PTGES: variants seen among roughly 807,000 people sequenced by gnomAD.
The protein encoded by PTGES is MGST1-like 1.
PTGES carries 3 observed loss-of-function variants against 11.8 expected under a neutral mutation model. The ratio of observed to expected loss-of-function variants is 0.25; its 90% CI spans 0.12 to 0.66. The LOEUF (loss-of-function observed/expected upper bound fraction) is 0.66. Ranked by LOEUF, PTGES falls within the 30% of genes least tolerant of loss-of-function variation. The probability of loss-of-function intolerance (pLI) is 0.82; values close to 1 mark genes in which losing one functional copy is unlikely to be tolerated. For missense variants in PTGES, 180 were observed against 213.0 expected (o/e 0.85, Z 0.96); for synonymous variants, 94 against 90.4 (o/e 1.04, Z -0.22).
At chr9:129,740,349 C>T (rs528816500) in intron 2 of PTGES, among the ~76,000 whole-genome samples, 25 of 152,274 alleles carry the variant, frequency 1.6e-4, no homozygotes, top group Admixed American at 3.3e-4. Flanking sequence ...TGAGGTCATC[C>T]TCCTTCTGAA....
chr9:129,743,735 C>G (rs1275610544), intron 2 of PTGES, among the ~76,000 whole-genome samples: 2 of 152,230 alleles, frequency 1.3e-5, no homozygotes. Context: ...ACAGTGAAAT[C>G]GCCTTCCCAT....
chr9:129,743,133 C>T (rs1183160702), intron 2 of PTGES, among the ~76,000 whole-genome samples: 2 of 152,176 alleles, frequency 1.3e-5, no homozygotes, highest in Non-Finnish European at 2.9e-5. Flanking sequence ...CATTGGGCAG[C>T]AATTCAGCGG....
chr9:129,748,270 T>C (rs1490062008), intron 2 of PTGES, among the ~76,000 whole-genome samples: 1 of 142,082 alleles, frequency 7.0e-6, no homozygotes, highest in Non-Finnish European at 1.5e-5. Context: ...TAAAGGGTGA[T>C]TCTATGGGGC....
chr9:129,748,764 C>G, intron 1 of PTGES, 27 bp from the exon 2 acceptor site: 1 of 1,557,136 alleles, frequency 6.4e-7, no homozygotes, highest in Non-Finnish European at 8.8e-7. Flanking sequence ...GAGAGTCACT[C>G]CTCGTGAGAC....
chr9:129,742,837 AC>A (rs1833011301), intron 2 of PTGES, among the ~76,000 whole-genome samples: 1 of 151,572 alleles, frequency 6.6e-6, no homozygotes, highest in Non-Finnish European at 1.5e-5. Context: ...GCGCCACTGC[AC>A]TCCAGCCTGG....
intron 1 of PTGES, 74 bp downstream of exon 1, chr9:129,752,813 C>T (rs1297884839): frequency 8.7e-6 from 14 of 1,609,582 alleles, no homozygotes; most frequent in Non-Finnish European, 1.2e-5. Flanking sequence ...GTTTCCCTAT[C>T]CCGGGGCTTT....
intron 1 of PTGES, among the ~76,000 whole-genome samples, 190 bp from the exon 2 acceptor site, chr9:129,748,927 G>A (rs1297348333): frequency 6.6e-6 from 1 of 152,176 alleles, no homozygotes; most frequent in Non-Finnish European, 1.5e-5. Context: ...AGGCCCCCCT[G>A]TCTCTGCTTT....
chr9:129,752,649 C>A (rs1284744273), intron 1 of PTGES, among the ~76,000 whole-genome samples: 1 of 152,266 alleles, frequency 6.6e-6, no homozygotes, highest in Admixed American at 6.5e-5. Flanking sequence ...CTCTCCATGC[C>A]AAGAACTCAG....
At chr9:129,740,446 C>T (rs1832984463) in intron 2 of PTGES, among the ~76,000 whole-genome samples, 3 of 152,130 alleles carry the variant, frequency 2.0e-5, no homozygotes, top group Admixed American at 2.0e-4. Context: ...GTCTCCTTTT[C>T]CCCCTAAATC....
At chr9:129,752,855 C>G (rs1254378664) in intron 1 of PTGES, 32 bp downstream of exon 1, 2 of 1,613,656 alleles carry the variant, frequency 1.2e-6, no homozygotes, top group Non-Finnish European at 1.7e-6. Context: ...GCAAGTATGA[C>G]CCAGGCCGGG....
intron 1 of PTGES, among the ~76,000 whole-genome samples, chr9:129,749,121 G>A (rs1833077056): frequency 6.6e-6 from 1 of 152,240 alleles, no homozygotes; most frequent in African/African-American, 2.4e-5. Context: ...GCTGGATGAG[G>A]TGGCTCACAC....
At chr9:129,748,798 A>T in intron 1 of PTGES, 61 bp from the exon 2 acceptor site, 1 of 1,409,662 alleles carries the variant, frequency 7.1e-7, no homozygotes, top group Non-Finnish European at 9.8e-7. Context: ...ACCTGGGGCT[A>T]TGTTTTGTCC....
chr9:129,750,430 A>G (rs1833091692), intron 1 of PTGES, among the ~76,000 whole-genome samples: 1 of 152,164 alleles, frequency 6.6e-6, no homozygotes, highest in African/African-American at 2.4e-5. Flanking sequence ...ACCAACACCG[A>G]AGGCTCTGTC....
intron 2 of PTGES, among the ~76,000 whole-genome samples, chr9:129,740,648 A>G (rs1226096789): frequency 2.6e-5 from 4 of 152,186 alleles, no homozygotes; most frequent in Non-Finnish European, 2.9e-5. Context: ...CCCACCATAA[A>G]TAAATGACCA....
chr9:129,747,946 G>T (rs1440598003), intron 2 of PTGES, among the ~76,000 whole-genome samples: 1 of 145,026 alleles, frequency 6.9e-6, no homozygotes, highest in Non-Finnish European at 1.5e-5. Flanking sequence ...GGTGGCGGAG[G>T]TTGCAGTGAG....
At chr9:129,751,276 T>C (rs1050438033) in intron 1 of PTGES, among the ~76,000 whole-genome samples, 9 of 149,252 alleles carry the variant, frequency 6.0e-5, no homozygotes, top group African/African-American at 2.2e-4. Context: ...TGAGCTATGA[T>C]CGCACAATTG....
intron 1 of PTGES, 82 bp from the exon 2 acceptor site, chr9:129,748,819 T>C (rs1833072632): frequency 8.3e-7 from 1 of 1,200,148 alleles, no homozygotes; most frequent in Non-Finnish European, 1.2e-6. Context: ...ATGACCAGAG[T>C]TCACAGTGGC....
chr9:129,746,800 C>G (rs1189619226), intron 2 of PTGES, among the ~76,000 whole-genome samples: 5 of 152,200 alleles, frequency 3.3e-5, no homozygotes, highest in Non-Finnish European at 5.9e-5. Context: ...CACTCTCCAG[C>G]TAACTGGTAA....
At chr9:129,743,256 GGCCGCA>G (rs1833017289) in intron 2 of PTGES, among the ~76,000 whole-genome samples, 1 of 152,142 alleles carries the variant, frequency 6.6e-6, no homozygotes, top group East Asian at 1.9e-4. Context: ...GCCCCTCCGA[GGCCGCA>G]GTGGCCAGGG....
Sources: allele counts gnomAD v4.1 joint callset (sites outside exome capture counted in the v4.1 genomes callset), GRCh38; gene constraint gnomAD v4.1.1; transcripts MANE v1.5; gene names NCBI Gene and HGNC (gene_info 2026-07-23, HGNC 2026-07-21).